Variants in EPS8L2 observed in about 807,000 individuals in gnomAD.
The protein encoded by EPS8L2 is EPS8 signaling adaptor L2.
In EPS8L2, 81 loss-of-function variants were observed where a neutral mutation model predicts 99.4. The observed-to-expected ratio is 0.82, with a 90% confidence interval of 0.68 to 0.98. EPS8L2 has a LOEUF of 0.98. Ranked by LOEUF, EPS8L2 falls within the 50% of genes least tolerant of loss-of-function variation. The pLI, the probability that EPS8L2 is intolerant of heterozygous loss-of-function variation, is 0.00. For synonymous variants in EPS8L2, 509 were observed against 407.3 expected (o/e 1.25, Z -3.01); for missense variants, 1,155 against 968.8 (o/e 1.19, Z -2.55).
At chr11:710,399 G>A (rs1474814443) in intron 3 of EPS8L2, 23 bp from the exon 4 acceptor site, 1 of 1,612,618 alleles carries the variant, frequency 6.2e-7, no homozygotes, top group South Asian at 1.1e-5. Context: ...CGTCGGGGGA[G>A]TGACTGGTGT....
At position 720,286 on chromosome 11, in the gene EPS8L2, T is replaced by A; in HGVS notation, c.327+63T>A. ...GGTAGAGGCGGTGGCAGCCACCGGC[T>A]GCAGCCCGGATGTGCGGCCGGTCCT... On this transcript the variant is annotated intron_variant, in intron 5 of 20. Coordinates refer to ENST00000318562, the MANE Select transcript of EPS8L2 (RefSeq NM_022772.4). 2.6e-6 allele frequency: 4 copies of A among 1,559,588 alleles called. No homozygotes were observed. In the South Asian group the frequency reaches 4.6e-5, roughly 18 times the overall value.
chr11:710,750 G>T (rs1273596586), intron 4 of EPS8L2, among the ~76,000 whole-genome samples: 1 of 111,804 alleles, frequency 8.9e-6, no homozygotes, highest in African/African-American at 4.7e-5. Context: ...ACGAAAGAGA[G>T]AAAGAGAGAA....
rs777775644 is a variant in EPS8L2, at chr11:709,384, C to T, written c.-24C>T. ...GGCCACACTGAGGTCTGCCCTTCTC[C>T]CGCTGGCCGCCACCCAAGACACCAT... On this transcript the variant is annotated 5_prime_UTR_variant, in exon 2 of 21. Coordinates refer to ENST00000318562, the MANE Select transcript of EPS8L2 (RefSeq NM_022772.4). 2 of 1,566,260 alleles carry T rather than the reference C, an allele frequency of 1.3e-6. No individual in the cohort carries two copies. Among genetic ancestry groups the T allele is most frequent in the Non-Finnish European group, 1.7e-6 (2 of 1,157,056 alleles).
intron 2 of EPS8L2, 49 bp downstream of exon 2, chr11:709,500 G>A: frequency 7.7e-7 from 1 of 1,291,646 alleles, no homozygotes; most frequent in Non-Finnish European, 1.0e-6. Context: ...CCTCTGAACA[G>A]TCCCCAGGGA....
At chr11:725,146 CTG>C (rs1862280216) in intron 16 of EPS8L2, among the ~76,000 whole-genome samples, 1 of 152,228 alleles carries the variant, frequency 6.6e-6, no homozygotes, top group South Asian at 2.1e-4. Flanking sequence ...CACATCTGCA[CTG>C]GCCGCATCTG....
Position 726,747 on chromosome 11 carries a change from T to C in EPS8L2, c.2063T>C (p.Leu688Pro), listed in dbSNP as rs557981070. The part of the protein sequence containing the change: ...YSQLTMQKAF[L>P]EKQQSGSELE... ...CAGCTCACCATGCAGAAGGCCTTCC[T>C]GGAGGTGAGCCCGCCTGCGCTCCGG... is the stretch of plus-strand genomic sequence containing the variant. Residue 688 changes from leucine to proline, a missense_variant, in exon 20 of 21, where the codon CTG becomes CCG. Leu to Pro is a moderately conservative substitution (Grantham distance 98). Transcript: ENST00000318562. The C allele has an allele frequency of 5.7e-6, 9 of 1,589,986 alleles. No individual in the cohort carries two copies. The highest frequency in any genetic ancestry group is 1.8e-5 in the Admixed American group (1 of 55,700).
At position 726,773 on chromosome 11, in the gene EPS8L2, C is replaced by T. The variant is rs573323490; in HGVS notation, c.2067+22C>T. ...GGAGGTGAGCCCGCCTGCGCTCCGG[C>T]GCCACGCCCCTCCTGCCCCTGCGCC... On this transcript the variant is annotated intron_variant, in intron 20 of 20. Coordinates refer to ENST00000318562, the MANE Select transcript of EPS8L2 (RefSeq NM_022772.4). 8.3e-5 allele frequency: 132 copies of T among 1,582,278 alleles called. No individual in the cohort carries two copies. In the East Asian group the frequency reaches 2.6e-3, roughly 32 times the overall value.
At chr11:720,344 G>T in intron 5 of EPS8L2, 121 bp downstream of exon 5, 2 of 1,193,090 alleles carry the variant, frequency 1.7e-6, no homozygotes, top group Non-Finnish European at 2.3e-6. Flanking sequence ...TATCATTCTG[G>T]TCCCTGGAAG....
chr11:724,641 GAAGCTGCTGCCCCCCAGCCACTGCCCA>G lies in EPS8L2; in HGVS notation c.1455-82_1455-56del. 1.1e-6 allele frequency: 1 copy of G among 927,962 alleles called. No homozygotes were observed. The highest frequency in any genetic ancestry group is 1.8e-6 in the Non-Finnish European group (1 of 564,208). The allele number at this position is 927,962 out of a possible 1,614,324, so 57.5% of individuals were successfully genotyped here. The stretch of plus-strand genomic sequence containing the variant: ...AAGAGGCAGCCAGTCGTGCACCTGG[GAAGCTGCTGCCCCCCAGCCACTGCCCA>G]GGTCTCAGAGGAGACCCCCACCAGA... On this transcript the variant is annotated intron_variant, in intron 15 of 20. Transcript: ENST00000318562. This position sits in a 1 kb window ranked among gnomAD's most constrained non-coding sequence, Gnocchi z 5.5.
intron 1 of EPS8L2, chr11:706,685 C>A (rs756266297): frequency 4.3e-4 from 65 of 152,412 alleles, no homozygotes; most frequent in Non-Finnish European, 5.0e-4. Context: ...AGGACCCTCC[C>A]GAGGGCCTGA....
intron 16 of EPS8L2, among the ~76,000 whole-genome samples, chr11:725,186 G>C (rs1862281649): frequency 6.6e-6 from 1 of 152,346 alleles, no homozygotes; most frequent in Non-Finnish European, 1.5e-5. Context: ...CACCCACTGG[G>C]GGACAGAAAG....
chr11:709,607 T>A lies in EPS8L2; in HGVS notation c.99T>A (p.Phe33Leu). 6.2e-7 allele frequency: 1 copy of A among 1,612,988 alleles called. No individual in the cohort carries two copies. The highest frequency in any genetic ancestry group is 8.5e-7 in the Non-Finnish European group (1 of 1,179,902). ...GVAKMSPKDL[F>L]EQRKKYSNSN... ...CCAAGATGAGCCCCAAGGACCTGTT[T>A]GGTGAGTGAGGTTTGAGAACGGGCT... Residue 33 changes from phenylalanine (F) to leucine (L), a missense_variant and splice_region_variant, in exon 3 of 21, where the codon TTT becomes TTA. Physicochemically the swap from Phe to Leu is conservative, Grantham distance 22 (BLOSUM62 0). Coordinates refer to ENST00000318562, the MANE Select transcript of EPS8L2 (RefSeq NM_022772.4).
At chr11:715,771 C>T (rs1184545277) in intron 4 of EPS8L2, among the ~76,000 whole-genome samples, 4 of 151,032 alleles carry the variant, frequency 2.6e-5, no homozygotes, top group African/African-American at 9.7e-5. Context: ...CAGGTGCCCA[C>T]CACCACGCCC....
At chr11:723,727 T>C (rs1862250450) in intron 15 of EPS8L2, among the ~76,000 whole-genome samples, 1 of 152,118 alleles carries the variant, frequency 6.6e-6, no homozygotes, top group Non-Finnish European at 1.5e-5. Context: ...AAGAGGAGAC[T>C]GGGGTTCTGG....
intron 15 of EPS8L2, 41 bp downstream of exon 15, chr11:723,394 C>T (rs761060013): frequency 1.9e-5 from 17 of 903,448 alleles, no homozygotes; most frequent in East Asian, 5.5e-5. Context: ...AAGTGAAACC[C>T]TTCAGAACCT....
intron 1 of EPS8L2, 68 bp downstream of exon 1, chr11:706,356 G>A (rs754844200): frequency 6.1e-4 from 93 of 152,356 alleles, no homozygotes; most frequent in Non-Finnish European, 9.1e-4. Flanking sequence ...GATGGGACGC[G>A]GGGCTTCTGG....
In EPS8L2 at chr11:724,106, C is replaced by T. The variant is rs946313344; in HGVS notation, c.1455-618C>T. ...GACAGTCCATGGCCACTTCATTTCCCTGAGCACCTGGACACGGGAGCTGCC... is the reference window on the plus strand; with the variant it reads ...GACAGTCCATGGCCACTTCATTTCCTTGAGCACCTGGACACGGGAGCTGCC... On this transcript the variant is annotated intron_variant, in intron 15 of 20. Coordinates refer to ENST00000318562, the MANE Select transcript of EPS8L2 (RefSeq NM_022772.4). The surrounding 1 kb of genome is among the most constrained non-coding windows in gnomAD (Gnocchi z 5.5). 1.3e-5 allele frequency among the ~76,000 whole-genome samples: 2 copies of T among 152,212 alleles called. No individual in the cohort carries two copies. The highest frequency in any genetic ancestry group is 2.4e-5 in the African/African-American group (1 of 41,456).
intron 4 of EPS8L2, among the ~76,000 whole-genome samples, chr11:711,439 G>C (rs1861888370): frequency 1.3e-5 from 2 of 152,038 alleles, no homozygotes; most frequent in Non-Finnish European, 1.5e-5. Context: ...TCCGCCTCCT[G>C]GACTCAAGTG....
intron 4 of EPS8L2, among the ~76,000 whole-genome samples, chr11:711,826 A>G (rs533362852): frequency 4.7e-4 from 69 of 147,934 alleles, no homozygotes; most frequent in Admixed American, 3.0e-3. Flanking sequence ...TCTACTGAAA[A>G]TACAAAATTA....
Sources: gnomAD v4.1 joint callset for allele counts (sites outside exome capture counted in the v4.1 genomes callset) on GRCh38, gnomAD v4.1.1 for gene constraint, Gnocchi (gnomAD v3.1) non-coding constraint, MANE v1.5 for transcripts, NCBI Gene and HGNC (gene_info 2026-07-23, HGNC 2026-07-21) for gene names.